The following ZNF90 variants were observed in gnomAD, a reference collection of about 807,000 sequenced individuals.
The protein encoded by ZNF90 is zinc finger protein HTF9.
In ZNF90, 11 loss-of-function variants were observed where a neutral mutation model predicts 12.0. That is an observed-to-expected ratio of 0.92 (90% confidence interval 0.58 to 1.52). The LOEUF (loss-of-function observed/expected upper bound fraction) is 1.52, where lower values mean the gene tolerates loss of function less well. Among genes scored for constraint, ZNF90 ranks in the 40% most tolerant of loss-of-function variants. The probability of loss-of-function intolerance (pLI) is 0.00; values close to 1 mark genes in which losing one functional copy is unlikely to be tolerated. For missense variants in ZNF90, 765 were observed against 711.5 expected, an observed-to-expected ratio of 1.08 and a Z score of -0.86; for synonymous variants, 232 against 240.1, an observed-to-expected ratio of 0.97 and a Z score of 0.31.
At chr19:20,097,463 CA>C (rs2122496724) in intron 1 of ZNF90, among the ~76,000 whole-genome samples, 2 of 152,318 alleles carry the variant, frequency 1.3e-5, no homozygotes, top group Non-Finnish European at 2.9e-5. Context: ...ATAAATTTCA[CA>C]GGGCAGCAAT....
intron 3 of ZNF90, among the ~76,000 whole-genome samples, chr19:20,113,124 G>T (rs1182397602): frequency 1.3e-5 from 2 of 151,598 alleles, no homozygotes; most frequent in African/African-American, 4.8e-5. Context: ...TATTATCCCT[G>T]TAGTTTTGTG....
intron 1 of ZNF90, among the ~76,000 whole-genome samples, chr19:20,097,686 C>G (rs765152391): frequency 6.6e-6 from 1 of 152,200 alleles, no homozygotes; most frequent in Non-Finnish European, 1.5e-5. Context: ...ATCTGCAGCT[C>G]CATATTTTGA....
At position 20,104,230 on chromosome 19, in the gene ZNF90, G is replaced by A; in HGVS notation, c.4-9G>A. On this transcript the variant is annotated splice_polypyrimidine_tract_variant and intron_variant, in intron 1 of 3. Coordinates refer to ENST00000418063, the MANE Select transcript of ZNF90 (RefSeq NM_007138.2). ...TAAAAATGTGTGTGTGTATATGTGT[G>A]TTTTTCAGGGACCATTGGAATTTAG... 1 of 1,613,578 alleles carries A rather than the reference G, an allele frequency of 6.2e-7. No homozygotes were observed.
chr19:20,079,696 T>C, intron 1 of ZNF90: 1 of 175,414 alleles, frequency 5.7e-6, no homozygotes, highest in Non-Finnish European at 1.2e-5. Flanking sequence ...TGGTTGTATG[T>C]TGACTCAGAC....
At chr19:20,083,519 G>A (rs2088836767) in intron 1 of ZNF90, among the ~76,000 whole-genome samples, 1 of 151,914 alleles carries the variant, frequency 6.6e-6, no homozygotes, top group African/African-American at 2.4e-5. Context: ...TAGCAACAGG[G>A]TTTCTCCATG....
intron 1 of ZNF90, among the ~76,000 whole-genome samples, chr19:20,078,518 A>G (rs1448447269): frequency 6.6e-6 from 1 of 151,356 alleles, no homozygotes; most frequent in African/African-American, 2.4e-5. Context: ...CCTATTAAAA[A>G]CTTATGGGGC....
chr19:20,119,024 C>T lies in ZNF90; in HGVS notation c.1470C>T (p.Phe490=), dbSNP rs369075319. ...LYKCQECDKA[F]KYSSALSTHK... ...AATGTCAAGAATGTGACAAAGCCTTCAAGTACTCCTCAGCCCTTAGCACAC... is the reference window on the plus strand; with the variant it reads ...AATGTCAAGAATGTGACAAAGCCTTTAAGTACTCCTCAGCCCTTAGCACAC... The change falls in exon 4 of 4, where the codon TTC becomes TTT. Residue 490 remains phenylalanine, a synonymous_variant. Coordinates refer to ENST00000418063, the MANE Select transcript of ZNF90 (RefSeq NM_007138.2). 5.2e-4 allele frequency: 832 copies of T among 1,605,970 alleles called. No homozygotes were observed. Among genetic ancestry groups the T allele is most frequent in the Non-Finnish European group, 6.8e-4 (797 of 1,176,422 alleles).
At chr19:20,116,152 C>T (rs532884094) in intron 3 of ZNF90, among the ~76,000 whole-genome samples, 38 of 152,182 alleles carry the variant, frequency 2.5e-4, no homozygotes, top group African/African-American at 6.5e-4. Context: ...GTATTACAGG[C>T]GTGAACCACT....
intron 1 of ZNF90, among the ~76,000 whole-genome samples, chr19:20,086,516 G>A (rs1459836424): frequency 2.6e-5 from 4 of 151,950 alleles, no homozygotes; most frequent in Non-Finnish European, 5.9e-5. Context: ...GATTACAGGG[G>A]TGAGCCATAA....
chr19:20,120,818 G>C lies in ZNF90; in HGVS notation c.*1458G>C, dbSNP rs1311915004. 1 of 152,128 alleles carries C rather than the reference G, an allele frequency of 6.6e-6. No individual in the cohort carries two copies. Among genetic ancestry groups the C allele is most frequent in the Non-Finnish European group, 1.5e-5 (1 of 68,018 alleles). The allele number at this position is 152,128 out of a possible 1,614,324, so 9.4% of individuals were successfully genotyped here. On this transcript the variant is annotated 3_prime_UTR_variant, in exon 4 of 4. Coordinates refer to ENST00000418063, the MANE Select transcript of ZNF90 (RefSeq NM_007138.2). ...TCTTGAGAAAAAATTTTTGAAAAGT[G>C]AATAAGGTAATAGAGCTTTCAAATT...
intron 3 of ZNF90, chr19:20,107,022 T>C (rs2089045376): frequency 2.2e-6 from 1 of 454,352 alleles, no homozygotes; most frequent in African/African-American, 2.0e-5. Context: ...CTGCATATGG[T>C]GGGCCTTGTA....
At chr19:20,085,361 G>A (rs1294948579) in intron 1 of ZNF90, among the ~76,000 whole-genome samples, 8 of 150,336 alleles carry the variant, frequency 5.3e-5, no homozygotes, top group Non-Finnish European at 1.2e-4. Flanking sequence ...CCGGGTTCAT[G>A]CCATTCTCCT....
In ZNF90 at chr19:20,119,318, T is replaced by G. The variant is rs553943148; in HGVS notation, c.1764T>G (p.Ile588Met). ...SDLNTHKRIH[I>M]GQKAYIVKNM... ...TTAATACACATAAGAGGATTCATAT[T>G]GGACAGAAAGCCTACATAGTGAAGA... Residue 588 changes from isoleucine to methionine, a missense_variant, in exon 4 of 4, where the codon ATT becomes ATG. Ile to Met is a conservative substitution (Grantham distance 10). Coordinates refer to ENST00000418063, the MANE Select transcript of ZNF90 (RefSeq NM_007138.2). 1.0e-5 allele frequency: 16 copies of G among 1,606,586 alleles called. No homozygotes were observed. The highest frequency in any genetic ancestry group is 1.4e-5 in the Non-Finnish European group (16 of 1,176,176).
At chr19:20,116,019 T>G (rs543849754) in intron 3 of ZNF90, among the ~76,000 whole-genome samples, 3 of 152,188 alleles carry the variant, frequency 2.0e-5, no homozygotes, top group African/African-American at 7.2e-5. Context: ...GTACAGGTGC[T>G]TTCCACTATG....
At chr19:20,108,562 T>A (rs1340269222) in intron 3 of ZNF90, among the ~76,000 whole-genome samples, 1 of 152,078 alleles carries the variant, frequency 6.6e-6, no homozygotes, top group Non-Finnish European at 1.5e-5. Context: ...TGTGATCCAC[T>A]GGCCTTGGCC....
chr19:20,110,465 A>G (rs2089078963), intron 3 of ZNF90, among the ~76,000 whole-genome samples: 1 of 152,064 alleles, frequency 6.6e-6, no homozygotes, highest in Non-Finnish European at 1.5e-5. Context: ...TTTTTGGTAG[A>G]GACGGGGCCA....
intron 1 of ZNF90, among the ~76,000 whole-genome samples, chr19:20,092,990 G>A (rs558305484): frequency 2.7e-5 from 4 of 149,210 alleles, no homozygotes; most frequent in Admixed American, 6.6e-5. Flanking sequence ...GAAACCCTGC[G>A]GCAGCACAGC....
intron 1 of ZNF90, among the ~76,000 whole-genome samples, chr19:20,096,551 TGG>T (rs1309286601): frequency 6.6e-6 from 1 of 151,650 alleles, no homozygotes; most frequent in Non-Finnish European, 1.5e-5. Context: ...AGGTGCTCAG[TGG>T]GGGTGCTTTT....
chr19:20,105,809 T>C (rs2089031187), intron 3 of ZNF90, among the ~76,000 whole-genome samples: 1 of 152,144 alleles, frequency 6.6e-6, no homozygotes, highest in African/African-American at 2.4e-5. Context: ...ATGATATACT[T>C]CTGCTCTGTT....
Sources: gnomAD v4.1 joint callset for allele counts (sites outside exome capture counted in the v4.1 genomes callset) on GRCh38, gnomAD v4.1.1 for gene constraint, MANE v1.5 for transcripts, NCBI Gene and HGNC (gene_info 2026-07-23, HGNC 2026-07-21) for gene names.